Variants in P4HA2 observed in about 807,000 individuals in gnomAD.
The protein encoded by P4HA2 is prolyl 4-hydroxylase subunit alpha 2.
Under a neutral mutation model 76.9 loss-of-function variants are expected in P4HA2, and 46 were observed. The observed-to-expected ratio is 0.60, with a 90% CI of 0.47 to 0.76. The LOEUF (loss-of-function observed/expected upper bound fraction) is 0.76, where lower values mean the gene tolerates loss of function less well. Ranked by LOEUF, P4HA2 falls within the 30% of genes least tolerant of loss-of-function variation. The pLI is 0.00. For synonymous variants in P4HA2, 243 were observed against 254.0 expected, an observed-to-expected ratio of 0.96 and a Z score of 0.41; for missense variants, 583 against 669.4, an observed-to-expected ratio of 0.87 and a Z score of 1.42.
At position 132,192,022 on chromosome 5, in the gene P4HA2, A is replaced by T. The variant is rs1009930854; in HGVS notation, c.*988T>A. ...CACATACCCAAAAATATTTACTCTCATTCTATTAGTAAAAGTTCAAAATCA... is the reference window on the plus strand; with the variant it reads ...CACATACCCAAAAATATTTACTCTCTTTCTATTAGTAAAAGTTCAAAATCA... On this transcript the variant is annotated 3_prime_UTR_variant, in exon 15 of 15. Transcript: ENST00000360568. The T allele has an allele frequency of 6.6e-6, 1 of 152,254 alleles. No homozygotes were observed. The highest frequency in any genetic ancestry group is 1.5e-5 in the Non-Finnish European group (1 of 68,044). 9.4% of individuals were successfully genotyped at this position (152,254 alleles called of 1,614,324 possible).
At chr5:132,216,089 C>T (rs570751156) in intron 4 of P4HA2, among the ~76,000 whole-genome samples, 125 of 146,098 alleles carry the variant, frequency 8.6e-4, no homozygotes, top group Non-Finnish European at 1.6e-3. Context: ...TGCTTGAACC[C>T]GGAGGCAGAG....
Position 132,195,021 on chromosome 5 carries a change from C to T in P4HA2, c.1436G>A (p.Gly479Asp). ...DLGAAIWPKK[G>D]TAVFWYNLLR... ...GAGGTTGTACCAGAACACAGCTGTA[C>T]CCTGGGAAAGAGATGGCCTTTCAGA... Residue 479 changes from glycine (G) to aspartate (D), a missense_variant and splice_region_variant, in exon 14 of 15, where the codon GGT becomes GAT. Gly to Asp is a moderately conservative substitution (Grantham distance 94). Transcript: ENST00000360568. 1 of 1,605,564 alleles carries T rather than the reference C, an allele frequency of 6.2e-7. No homozygotes were observed.
At chr5:132,212,759 G>A (rs1753266669) in intron 5 of P4HA2, among the ~76,000 whole-genome samples, 1 of 152,184 alleles carries the variant, frequency 6.6e-6, no homozygotes, top group Non-Finnish European at 1.5e-5. Context: ...GAGTCCTAGG[G>A]AGTAATTCCT....
intron 1 of P4HA2, among the ~76,000 whole-genome samples, chr5:132,223,014 A>G (rs1461990966): frequency 6.6e-6 from 1 of 152,222 alleles, no homozygotes; most frequent in Non-Finnish European, 1.5e-5. Flanking sequence ...CTTACGTCCC[A>G]CCTTGCAACC....
At chr5:132,217,463 G>C in intron 3 of P4HA2, 115 bp from the exon 4 acceptor site, 1 of 976,050 alleles carries the variant, frequency 1.0e-6, no homozygotes, top group Non-Finnish European at 1.6e-6. Flanking sequence ...TTTTCATCAA[G>C]AGGCAATGAA....
rs1366436759 is a variant in P4HA2, at chr5:132,218,606, T to C, written c.21A>G (p.Ala7=). MKLWVS[A]LLMAWFGVLS... is the part of the protein sequence containing the mutation. ...GGACACCAAACCAGGCCATCAGCAA[T>C]GCAGACACCCAGAGTTTCATGGTCA... is the stretch of plus-strand genomic sequence containing the variant. Residue 7 remains alanine (A), a synonymous_variant, in exon 2 of 15, where the codon GCA becomes GCG. Transcript: ENST00000360568. 2 of 1,613,646 alleles carry C rather than the reference T, an allele frequency of 1.2e-6. No homozygotes were observed. Among genetic ancestry groups the C allele is most frequent in the African/African-American group, 2.7e-5 (2 of 74,880 alleles).
At chr5:132,205,163 T>C (rs1302727721) in intron 8 of P4HA2, among the ~76,000 whole-genome samples, 2 of 152,204 alleles carry the variant, frequency 1.3e-5, no homozygotes, top group Non-Finnish European at 2.9e-5. Flanking sequence ...CAGCACAGCA[T>C]GGGTGAACTT....
chr5:132,211,295 A>C (rs758173400), intron 5 of P4HA2, among the ~76,000 whole-genome samples: 2 of 152,218 alleles, frequency 1.3e-5, no homozygotes, highest in Non-Finnish European at 2.9e-5. Context: ...TGCAGGATTT[A>C]GGGTGAGCTC....
chr5:132,204,026 C>A, intron 9 of P4HA2, 56 bp downstream of exon 9: 1 of 1,440,602 alleles, frequency 6.9e-7, no homozygotes, highest in Non-Finnish European at 9.8e-7. Flanking sequence ...AGGGTAGGCA[C>A]TGAGAAGTCC....
At chr5:132,214,394 G>C (rs1753569288) in intron 4 of P4HA2, among the ~76,000 whole-genome samples, 1 of 152,014 alleles carries the variant, frequency 6.6e-6, no homozygotes. Flanking sequence ...GGATAGAGAG[G>C]GTAACTGAGA....
chr5:132,203,953 G>A (rs1751850389), intron 9 of P4HA2, 106 bp from the exon 10 acceptor site: 2 of 1,129,624 alleles, frequency 1.8e-6, no homozygotes, highest in African/African-American at 1.5e-5. Flanking sequence ...GGCAGTACAG[G>A]ATGCCTGCTG....
intron 5 of P4HA2, among the ~76,000 whole-genome samples, chr5:132,212,450 C>T (rs1580714715): frequency 6.6e-6 from 1 of 152,050 alleles, no homozygotes; most frequent in African/African-American, 2.4e-5. Context: ...AATCCATAGG[C>T]CTTAGGCTTC....
chr5:132,210,583 T>C, intron 5 of P4HA2, 60 bp from the exon 6 acceptor site: 1 of 1,595,236 alleles, frequency 6.3e-7, no homozygotes, highest in South Asian at 1.1e-5. Context: ...GGAAAGAGAT[T>C]CCCACTTCAA....
chr5:132,211,241 T>A (rs910595277), intron 5 of P4HA2, among the ~76,000 whole-genome samples: 5 of 152,040 alleles, frequency 3.3e-5, no homozygotes, highest in African/African-American at 1.2e-4. Flanking sequence ...AAAGTGACCA[T>A]GAAGATAGTT....
intron 12 of P4HA2, chr5:132,195,729 C>T (rs1463913740): frequency 2.2e-5 from 12 of 555,738 alleles, no homozygotes; most frequent in South Asian, 4.2e-5. Context: ...GACCCACATC[C>T]GGGCTGTCCC....
chr5:132,227,114 C>G (rs1333764963), intron 1 of P4HA2: 2 of 152,560 alleles, frequency 1.3e-5, no homozygotes, highest in African/African-American at 4.8e-5. Flanking sequence ...GACCTTCCCG[C>G]TCTTCCAATC....
At chr5:132,214,305 A>C (rs1430392733) in intron 4 of P4HA2, among the ~76,000 whole-genome samples, 1 of 152,078 alleles carries the variant, frequency 6.6e-6, no homozygotes, top group Non-Finnish European at 1.5e-5. Flanking sequence ...GCAGCCCCCC[A>C]TATTGGTTAA....
intron 1 of P4HA2, 48 bp from the exon 2 acceptor site, chr5:132,218,692 C>T: frequency 8.5e-7 from 1 of 1,177,726 alleles, no homozygotes; most frequent in East Asian, 2.4e-5. Flanking sequence ...GTGAAAAAGA[C>T]TAATTTAGGT....
chr5:132,194,532 C>T lies in P4HA2; in HGVS notation c.1531+394G>A, dbSNP rs781155027. Among the ~76,000 whole-genome samples the T allele has an allele frequency of 2.4e-4, 37 of 152,164 alleles. 1 individual carries two copies. The highest frequency in any genetic ancestry group is 4.7e-4 in the Non-Finnish European group (32 of 68,036). On this transcript the variant is annotated intron_variant, in intron 14 of 14. Coordinates refer to ENST00000360568, the MANE Select transcript of P4HA2 (RefSeq NM_001017974.2). ...TCTTCAAGTGACAAGGGAGCCAGCC[C>T]CCACACCCGTATGCTGGTTTTAGCC...
Sources: gnomAD v4.1 joint callset for allele counts (sites outside exome capture counted in the v4.1 genomes callset) on GRCh38, gnomAD v4.1.1 for gene constraint, MANE v1.5 for transcripts, NCBI Gene and HGNC (gene_info 2026-07-23, HGNC 2026-07-21) for gene names.